The following MGAT5 variants were observed in gnomAD, a reference collection of about 807,000 sequenced individuals.
MGAT5 encodes the protein alpha-1,6-mannosylglycoprotein 6-beta-N-acetylglucosaminyltransferase A.
A neutral mutation model predicts 94.3 loss-of-function variants in MGAT5; 30 were observed. The ratio of observed to expected loss-of-function variants is 0.32; its 90% CI spans 0.24 to 0.43. The LOEUF is 0.43. MGAT5 is among the 20% of genes least tolerant of loss of function. The probability of loss-of-function intolerance (pLI) is 1.00; values close to 1 mark genes in which losing one functional copy is unlikely to be tolerated. For missense variants in MGAT5, 691 were observed against 905.5 expected, an observed-to-expected ratio of 0.76 and a Z score of 3.04; for synonymous variants, 310 against 322.9, an observed-to-expected ratio of 0.96 and a Z score of 0.43.
intron 1 of MGAT5, among the ~76,000 whole-genome samples, chr2:134,242,487 T>G (rs1331626847): frequency 2.0e-5 from 3 of 152,212 alleles, no homozygotes. Flanking sequence ...AAAGGAGAAT[T>G]GTGCCATGTT....
At chr2:134,328,554 G>A (rs1218546061) in intron 4 of MGAT5, among the ~76,000 whole-genome samples, 8 of 152,094 alleles carry the variant, frequency 5.3e-5, no homozygotes, top group African/African-American at 1.9e-4. Flanking sequence ...AAGTGGAAAA[G>A]AGTATCATTA....
intron 14 of MGAT5, among the ~76,000 whole-genome samples, chr2:134,437,006 T>G (rs1685198713): frequency 6.6e-6 from 1 of 152,234 alleles, no homozygotes; most frequent in Admixed American, 6.5e-5. Flanking sequence ...TTTTGTTTTT[T>G]GACACAGAGT....
chr2:134,413,579 A>G (rs1683792712), intron 12 of MGAT5, among the ~76,000 whole-genome samples: 1 of 152,240 alleles, frequency 6.6e-6, no homozygotes, highest in Admixed American at 6.5e-5. Flanking sequence ...GTGTGTGATG[A>G]ATCACCATTG....
At chr2:134,256,261 G>A (rs1011186596) in intron 1 of MGAT5, among the ~76,000 whole-genome samples, 1 of 152,168 alleles carries the variant, frequency 6.6e-6, no homozygotes, top group Non-Finnish European at 1.5e-5. Context: ...CATTTCCAGA[G>A]TAGTTTAGAT....
At chr2:134,410,105 G>C (rs1683559580) in intron 11 of MGAT5, among the ~76,000 whole-genome samples, 1 of 152,174 alleles carries the variant, frequency 6.6e-6, no homozygotes, top group South Asian at 2.1e-4. Flanking sequence ...AGTGTCTCTT[G>C]CCTCCTTGCT....
intron 2 of MGAT5, among the ~76,000 whole-genome samples, chr2:134,310,821 T>A (rs1686607382): frequency 6.6e-6 from 1 of 152,218 alleles, no homozygotes; most frequent in Non-Finnish European, 1.5e-5. Flanking sequence ...TCAGTCTGAT[T>A]TATTGCCATC....
chr2:134,148,759 G>T (rs1194430071), intron 1 of MGAT5, among the ~76,000 whole-genome samples: 25 of 118,714 alleles, frequency 2.1e-4, no homozygotes, highest in African/African-American at 6.0e-4. Flanking sequence ...TCTTTCTTAG[G>T]TTTTTTTTTT....
intron 2 of MGAT5, among the ~76,000 whole-genome samples, chr2:134,281,732 C>T (rs1684707947): frequency 6.6e-6 from 1 of 152,200 alleles, no homozygotes; most frequent in Non-Finnish European, 1.5e-5. Flanking sequence ...GGGAGGGGAA[C>T]TCCTGTGCGG....
intron 4 of MGAT5, among the ~76,000 whole-genome samples, chr2:134,332,958 G>A (rs924577116): frequency 2.0e-5 from 3 of 152,194 alleles, no homozygotes; most frequent in African/African-American, 7.2e-5. Context: ...AGGATGTGGA[G>A]AAATAGGAAC....
intron 1 of MGAT5, among the ~76,000 whole-genome samples, chr2:134,221,261 A>C (rs1247359053): frequency 6.6e-6 from 1 of 152,166 alleles, no homozygotes; most frequent in Non-Finnish European, 1.5e-5. Flanking sequence ...ACATTTAAGG[A>C]ATGCATTGGT....
rs1685932304 is a variant in MGAT5, at chr2:134,448,679, G to A, written c.2058G>A (p.Leu686=). The A allele has an allele frequency of 1.2e-6, 2 of 1,614,218 alleles. No individual in the cohort carries two copies. Among genetic ancestry groups the A allele is most frequent in the Non-Finnish European group, 1.7e-6 (2 of 1,180,042 alleles). ...AGGTGACCTGCCAAAGCTCAGAGCT[G>A]GCCAAGGACATCCTGGTGCCCTCCT... The part of the protein sequence containing the change: ...KYKVTCQSSE[L]AKDILVPSFD... Residue 686 remains leucine, a synonymous_variant, in exon 16 of 16, where the codon CTG becomes CTA. Transcript: ENST00000281923.
chr2:134,308,367 C>T (rs1391671169), intron 2 of MGAT5, among the ~76,000 whole-genome samples: 1 of 152,116 alleles, frequency 6.6e-6, no homozygotes, highest in Non-Finnish European at 1.5e-5. Context: ...CACGATAATC[C>T]AGTAGTGAGC....
chr2:134,307,127 T>A (rs1686374289), intron 2 of MGAT5, among the ~76,000 whole-genome samples: 6 of 152,156 alleles, frequency 3.9e-5, no homozygotes, highest in Admixed American at 3.9e-4. Flanking sequence ...ATATGTTTAA[T>A]TAATTTTCAT....
At chr2:134,266,791 T>C (rs1324720332) in intron 1 of MGAT5, among the ~76,000 whole-genome samples, 2 of 152,232 alleles carry the variant, frequency 1.3e-5, no homozygotes, top group Non-Finnish European at 2.9e-5. Flanking sequence ...TTGGGTTGGC[T>C]GCTTTGAAAT....
chr2:134,154,720 T>G (rs1039744031), intron 1 of MGAT5, among the ~76,000 whole-genome samples: 1 of 152,128 alleles, frequency 6.6e-6, no homozygotes, highest in African/African-American at 2.4e-5. Context: ...AAGCCATAGG[T>G]GGGAGTTTTC....
chr2:134,202,759 T>G (rs13031206), intron 1 of MGAT5, among the ~76,000 whole-genome samples: 13,878 of 152,290 alleles, frequency 0.091, 820 homozygotes, highest in East Asian at 0.26. Context: ...TGTCTCCTTT[T>G]AACCACTATT....
At chr2:134,248,064 A>C (rs1682385013) in intron 1 of MGAT5, among the ~76,000 whole-genome samples, 1 of 152,146 alleles carries the variant, frequency 6.6e-6, no homozygotes. Context: ...TTAATACCTG[A>C]CTACCATCAC....
chr2:134,338,204 ATT>A, intron 5 of MGAT5, 53 bp from the exon 6 acceptor site: 2 of 1,441,550 alleles, frequency 1.4e-6, no homozygotes, highest in Non-Finnish European at 1.9e-6. Flanking sequence ...CATGAAAACT[ATT>A]ATGCTTTCTG....
intron 2 of MGAT5, among the ~76,000 whole-genome samples, chr2:134,275,001 G>C (rs1684273025): frequency 6.6e-6 from 1 of 152,226 alleles, no homozygotes; most frequent in East Asian, 1.9e-4. Context: ...ATTTGGAAGT[G>C]CAATTTCCCC....
Sources: gnomAD v4.1 joint callset for allele counts (sites outside exome capture counted in the v4.1 genomes callset) on GRCh38, gnomAD v4.1.1 for gene constraint, MANE v1.5 for transcripts, NCBI Gene and HGNC (gene_info 2026-07-23, HGNC 2026-07-21) for gene names.